Variants in GFOD1 observed in about 807,000 individuals in gnomAD.
GFOD1 encodes the protein Gfo/Idh/MocA-like oxidoreductase domain containing 1.
A neutral mutation model predicts 25.4 loss-of-function variants in GFOD1; 9 were observed. That is an observed-to-expected ratio of 0.35 (90% confidence interval 0.21 to 0.62). The LOEUF is 0.62. Ranked by LOEUF, GFOD1 falls within the 20% of genes least tolerant of loss-of-function variation. GFOD1 has a pLI of 0.72. For synonymous variants in GFOD1, 253 were observed against 245.6 expected (o/e 1.03, Z -0.28); for missense variants, 403 against 556.9 (o/e 0.72, Z 2.78).
chr6:13,477,983 G>C (rs748516327), intron 1 of GFOD1, among the ~76,000 whole-genome samples: 5 of 151,296 alleles, frequency 3.3e-5, no homozygotes, highest in Non-Finnish European at 5.9e-5. Flanking sequence ...ACAATTGCTG[G>C]AACCTGGGAG....
At chr6:13,394,022 C>T (rs2127561901) in intron 1 of GFOD1, among the ~76,000 whole-genome samples, 1 of 152,138 alleles carries the variant, frequency 6.6e-6, no homozygotes, top group East Asian at 1.9e-4. Flanking sequence ...TGTGATCCAC[C>T]CACCTCGGCC....
intron 1 of GFOD1, among the ~76,000 whole-genome samples, chr6:13,414,418 C>T (rs1313943947): frequency 6.6e-6 from 1 of 152,250 alleles, no homozygotes; most frequent in Non-Finnish European, 1.5e-5. Flanking sequence ...CCAGCAGAGG[C>T]TTAAGAGGCT....
chr6:13,370,109 G>T (rs1203227006), intron 1 of GFOD1, among the ~76,000 whole-genome samples: 2 of 152,202 alleles, frequency 1.3e-5, no homozygotes, highest in Non-Finnish European at 2.9e-5. Flanking sequence ...GAGCTGGCAG[G>T]TCCCAGCTCT....
At chr6:13,408,194 A>C in intron 1 of GFOD1, 5 of 634,252 alleles carry the variant, frequency 7.9e-6, no homozygotes, top group Non-Finnish European at 7.9e-6. Context: ...ACACAATTGA[A>C]TGTGGCCTTG....
chr6:13,365,058 G>A lies in GFOD1; in HGVS notation c.858C>T (p.Ser286=), dbSNP rs780776864. The change falls in exon 2 of 2, where the codon AGC becomes AGT. Residue 286 remains serine (S), a synonymous_variant. Coordinates refer to ENST00000379287, the MANE Select transcript of GFOD1 (RefSeq NM_018988.4). This position sits in a 1 kb window ranked among gnomAD's most constrained non-coding sequence, Gnocchi z 9.2. ...AGGCCTTCTCCGGAAGCAGGGAGTT[G>A]CTCACCGGCGTGGCGTCCTGCACCA... ...ELLVQDATPV[S]NSLLPEKAFS... The A allele has an allele frequency of 6.2e-7, 1 of 1,611,028 alleles. No homozygotes were observed.
rs928186452 is a variant in GFOD1, at chr6:13,476,338, G to A, written c.253+10300C>T. ...CGTTATGCTAAGTGAAAGAACTCAA[G>A]CACAAATGATTACGTACTTCATGAT... On this transcript the variant is annotated intron_variant, in intron 1 of 1. Transcript: ENST00000379287. Among the ~76,000 whole-genome samples the A allele has an allele frequency of 2.0e-5, 3 of 152,158 alleles. No individual in the cohort carries two copies. In the East Asian group the frequency reaches 5.8e-4, roughly 29 times the overall value.
chr6:13,400,291 A>C (rs1041440851), intron 1 of GFOD1, among the ~76,000 whole-genome samples: 1 of 152,112 alleles, frequency 6.6e-6, no homozygotes, highest in African/African-American at 2.4e-5. Context: ...ATGCCTGAAT[A>C]TCTCTCTATT....
intron 1 of GFOD1, among the ~76,000 whole-genome samples, chr6:13,449,343 C>T (rs1013134729): frequency 4.6e-5 from 7 of 152,118 alleles, no homozygotes; most frequent in East Asian, 1.9e-4. Flanking sequence ...ATAAATGATG[C>T]GACAGCCAAG....
At chr6:13,464,965 C>T (rs1033022716) in intron 1 of GFOD1, among the ~76,000 whole-genome samples, 1 of 152,022 alleles carries the variant, frequency 6.6e-6, no homozygotes. Context: ...CTACCTTCCT[C>T]GTCATTCAAG....
rs918216959 is a variant in GFOD1, at chr6:13,361,927, C to T, written c.*2816G>A. The T allele has an allele frequency of 6.6e-6, 1 of 152,074 alleles. No homozygotes were observed. Among genetic ancestry groups the T allele is most frequent in the Admixed American group, 6.5e-5 (1 of 15,278 alleles). 9.4% of individuals were successfully genotyped at this position (152,074 alleles called of 1,614,324 possible). On this transcript the variant is annotated 3_prime_UTR_variant, in exon 2 of 2. Coordinates refer to ENST00000379287, the MANE Select transcript of GFOD1 (RefSeq NM_018988.4). ...AGAGGCCTTTGTGGGGACCTCTCTC[C>T]AAAACCCGAAGTTTTGGGAAAAGAT...
At chr6:13,405,637 G>GT (rs1259442883) in intron 1 of GFOD1, among the ~76,000 whole-genome samples, 8 of 152,148 alleles carry the variant, frequency 5.3e-5, no homozygotes, top group Non-Finnish European at 8.8e-5. Context: ...TAGAAAATAT[G>GT]TAAGTGGCAG....
intron 1 of GFOD1, among the ~76,000 whole-genome samples, chr6:13,432,582 G>A (rs556856163): frequency 1.5e-4 from 23 of 152,148 alleles, no homozygotes; most frequent in South Asian, 4.2e-4. Context: ...CTATTTCCAC[G>A]TCAGCCAAAG....
At chr6:13,405,227 T>A (rs191765812) in intron 1 of GFOD1, among the ~76,000 whole-genome samples, 2 of 152,364 alleles carry the variant, frequency 1.3e-5, no homozygotes, top group Non-Finnish European at 2.9e-5. Flanking sequence ...TACAGTATTT[T>A]AAAAGATAAC....
chr6:13,412,494 A>C (rs1012840623), intron 1 of GFOD1, among the ~76,000 whole-genome samples: 2 of 152,244 alleles, frequency 1.3e-5, no homozygotes, highest in Non-Finnish European at 2.9e-5. Flanking sequence ...TAGCAAACGA[A>C]TACAAAGGTT....
intron 1 of GFOD1, among the ~76,000 whole-genome samples, chr6:13,424,475 T>G (rs1418584614): frequency 2.6e-5 from 4 of 152,190 alleles, no homozygotes; most frequent in Non-Finnish European, 5.9e-5. Context: ...ATTGGACATG[T>G]GGAGGTGAAC....
intron 1 of GFOD1, among the ~76,000 whole-genome samples, chr6:13,366,793 C>T (rs1250047780): frequency 1.3e-5 from 2 of 151,946 alleles, no homozygotes; most frequent in African/African-American, 4.8e-5. Flanking sequence ...TCCCAAAAGG[C>T]CATGACTTAC....
At chr6:13,445,140 C>G (rs190162183) in intron 1 of GFOD1, among the ~76,000 whole-genome samples, 26 of 152,150 alleles carry the variant, frequency 1.7e-4, no homozygotes, top group African/African-American at 5.8e-4. Flanking sequence ...CAGCAGCCAG[C>G]CACAGGCGCC....
At chr6:13,423,680 C>G (rs1786298971) in intron 1 of GFOD1, among the ~76,000 whole-genome samples, 1 of 152,140 alleles carries the variant, frequency 6.6e-6, no homozygotes, top group Admixed American at 6.5e-5. Context: ...GTAGCAGAAC[C>G]GGGGGTGGGC....
Position 13,403,032 on chromosome 6 carries a change from G to A in GFOD1, c.254-37370C>T, listed in dbSNP as rs149471666. ...AAATGCATCATTAGGCGATTTTGCT[G>A]TGCAAACATTATACAGTGTACTTAC... is the stretch of plus-strand genomic sequence containing the variant. On this transcript the variant is annotated intron_variant, in intron 1 of 1. Transcript: ENST00000379287. Among the ~76,000 whole-genome samples, 14 of 151,680 alleles carry A rather than the reference G, an allele frequency of 9.2e-5. No homozygotes were observed. In the East Asian group the frequency reaches 2.7e-3, roughly 29 times the overall value.
Sources: gnomAD v4.1 joint callset for allele counts (sites outside exome capture counted in the v4.1 genomes callset) on GRCh38, gnomAD v4.1.1 for gene constraint, Gnocchi (gnomAD v3.1) non-coding constraint, MANE v1.5 for transcripts, NCBI Gene and HGNC (gene_info 2026-07-23, HGNC 2026-07-21) for gene names.